The following ACBD5 variants were observed in gnomAD, a reference collection of about 807,000 sequenced individuals.
ACBD5 encodes the protein acyl-CoA-binding domain-containing protein 5.
ACBD5 carries 40 observed loss-of-function variants against 71.8 expected under a neutral mutation model. The ratio of observed to expected loss-of-function variants is 0.56; its 90% CI spans 0.43 to 0.72. The LOEUF (loss-of-function observed/expected upper bound fraction) is 0.72. Among genes scored for constraint, ACBD5 ranks in the 30% least tolerant of loss-of-function variants. The pLI, the probability that ACBD5 is intolerant of heterozygous loss-of-function variation, is 0.00. For synonymous variants in ACBD5, 229 were observed against 218.6 expected, an observed-to-expected ratio of 1.05 and a Z score of -0.42; for missense variants, 559 against 644.5, an observed-to-expected ratio of 0.87 and a Z score of 1.44.
intron 9 of ACBD5, among the ~76,000 whole-genome samples, chr10:27,210,061 C>T (rs913790637): frequency 5.3e-5 from 8 of 152,088 alleles, no homozygotes; most frequent in Non-Finnish European, 1.0e-4. Flanking sequence ...GTCAAGGTTC[C>T]CAAGCTATTT....
chr10:27,235,066 T>G (rs769450595), intron 3 of ACBD5, 26 bp downstream of exon 3: 1 of 1,609,586 alleles, frequency 6.2e-7, no homozygotes, highest in Non-Finnish European at 8.5e-7. Context: ...ATTTAAATTC[T>G]TGCATAGCTC....
chr10:27,228,085 T>C (rs2063318102), intron 4 of ACBD5, among the ~76,000 whole-genome samples: 1 of 152,012 alleles, frequency 6.6e-6, no homozygotes, highest in African/African-American at 2.4e-5. Context: ...CTCTTAGAAA[T>C]CCTGAAATAA....
chr10:27,200,569 C>T lies in ACBD5; in HGVS notation c.1566-3127G>A, dbSNP rs567144687. Among the ~76,000 whole-genome samples the T allele has an allele frequency of 4.6e-5, 7 of 151,794 alleles. No individual in the cohort carries two copies. The South Asian group carries it at 8.3e-4, about 18-fold the overall frequency. On this transcript the variant is annotated intron_variant, in intron 12 of 12. Coordinates refer to ENST00000396271, the MANE Select transcript of ACBD5 (RefSeq NM_145698.5). ...AAGCAATTCCCCTGCCTCAACCTCC[C>T]GAGTAGCTGGGATTACAGGTGCCTC...
chr10:27,234,632 A>G (rs2800392), intron 3 of ACBD5, among the ~76,000 whole-genome samples: 80,862 of 152,048 alleles, frequency 0.53, 23,969 homozygotes, highest in Non-Finnish European at 0.68. Context: ...GTAAAATTGT[A>G]CTAAGAGCAC....
chr10:27,230,883 C>T (rs555165734), intron 4 of ACBD5, among the ~76,000 whole-genome samples: 2 of 151,280 alleles, frequency 1.3e-5, no homozygotes, highest in East Asian at 1.9e-4. Context: ...GCCTTTGACA[C>T]ACTTAAAAGA....
chr10:27,239,669 A>G (rs1469903717), intron 2 of ACBD5, among the ~76,000 whole-genome samples: 2 of 152,230 alleles, frequency 1.3e-5, no homozygotes, highest in African/African-American at 4.8e-5. Flanking sequence ...CTTCATATCA[A>G]AAGTTTTCAA....
upstream of ACBD5, among the ~76,000 whole-genome samples, chr10:27,241,897 A>G (rs987347413): frequency 1.3e-5 from 2 of 151,894 alleles, no homozygotes; most frequent in African/African-American, 2.4e-5. Flanking sequence ...GGGACTGACT[A>G]GGTTGTGGGG....
In ACBD5 at chr10:27,205,191, G is replaced by T. The variant is rs980997489; in HGVS notation, c.1455+7C>A. On this transcript the variant is annotated splice_region_variant and intron_variant, in intron 11 of 12. Coordinates refer to ENST00000396271, the MANE Select transcript of ACBD5 (RefSeq NM_145698.5). ...CTGGCATTTAAATTTTTTAAAAAAT[G>T]TCTTACCTGTGAGGTGGGCTGAGGA... 34 of 1,610,646 alleles carry T rather than the reference G, an allele frequency of 2.1e-5. No individual in the cohort carries two copies. The highest frequency in any genetic ancestry group is 2.6e-5 in the Non-Finnish European group (31 of 1,177,850).
chr10:27,212,349 T>C (rs1384281932), intron 8 of ACBD5, among the ~76,000 whole-genome samples: 2 of 152,162 alleles, frequency 1.3e-5, no homozygotes, highest in African/African-American at 4.8e-5. Flanking sequence ...CCTTGAGCTT[T>C]AGTCCATCAA....
chr10:27,195,760 A>C lies in ACBD5; in HGVS notation c.*1670T>G, dbSNP rs1390999728. ...TATTTGAAAGAAAAAAATAAGGAAA[A>C]AGAGTTTGGGAAAAGTAAATTGTAT... On this transcript the variant is annotated 3_prime_UTR_variant, in exon 13 of 13. Transcript: ENST00000396271. The C allele has an allele frequency of 2.4e-6, 1 of 412,576 alleles. No individual in the cohort carries two copies. The highest frequency in any genetic ancestry group is 2.1e-5 in the African/African-American group (1 of 47,572). The allele number at this position is 412,576 out of a possible 1,614,324, so 25.6% of individuals were successfully genotyped here. A position where few individuals can be genotyped will look rare whatever the true frequency, so the allele number is the denominator to read the frequency against.
At chr10:27,226,634 T>A (rs1355401288) in intron 4 of ACBD5, among the ~76,000 whole-genome samples, 2 of 98,850 alleles carry the variant, frequency 2.0e-5, no homozygotes, top group Non-Finnish European at 4.2e-5. Flanking sequence ...TCGTAAACTT[T>A]CTTTTTTTTT....
intron 4 of ACBD5, among the ~76,000 whole-genome samples, chr10:27,229,073 C>T (rs2063519737): frequency 1.3e-5 from 2 of 150,260 alleles, no homozygotes; most frequent in South Asian, 4.2e-4. Flanking sequence ...CCGCCCGCCT[C>T]GGCTTCGGAA....
In ACBD5 at chr10:27,218,163, ACTT is replaced by A. The variant is rs747447592; in HGVS notation, c.643_645del (p.Lys215del). On this transcript the variant is annotated inframe_deletion, in exon 7 of 13. Coordinates refer to ENST00000396271, the MANE Select transcript of ACBD5 (RefSeq NM_145698.5). ...ACTTCCAAATTCTTATGGTCTGCTG[ACTT>A]CTTCATCATTTTCTTATCTTTTACG... The A allele has an allele frequency of 1.9e-5, 31 of 1,613,904 alleles. No individual in the cohort carries two copies. The highest frequency in any genetic ancestry group is 2.5e-5 in the Non-Finnish European group (29 of 1,179,858).
At position 27,196,845 on chromosome 10, in the gene ACBD5, T is replaced by C; in HGVS notation, c.*585A>G. 2 of 454,090 alleles carry C rather than the reference T, an allele frequency of 4.4e-6. No individual in the cohort carries two copies. Among genetic ancestry groups the C allele is most frequent in the South Asian group, 1.6e-5 (1 of 64,470 alleles). The allele number at this position is 454,090 out of a possible 1,614,324, so 28.1% of individuals were successfully genotyped here. A position where few individuals can be genotyped will look rare whatever the true frequency, so the allele number is the denominator to read the frequency against. On this transcript the variant is annotated 3_prime_UTR_variant, in exon 13 of 13. Transcript: ENST00000396271. ...GACTCCACTTTTTAATAATGATGCC[T>C]GAACACCAAACTCAAGAGTTGTGAA...
At position 27,210,725 on chromosome 10, in the gene ACBD5, A is replaced by G. The variant is rs552590015; in HGVS notation, c.1204+89T>C. On this transcript the variant is annotated intron_variant, in intron 9 of 12. Coordinates refer to ENST00000396271, the MANE Select transcript of ACBD5 (RefSeq NM_145698.5). ...GTGAGCCGAGATTGCACCACCGCACACCAGCCTGGGCGACAGAGCGCGAGA... is the reference window on the plus strand; with the variant it reads ...GTGAGCCGAGATTGCACCACCGCACGCCAGCCTGGGCGACAGAGCGCGAGA... The G allele has an allele frequency of 5.7e-6, 9 of 1,565,852 alleles. No individual in the cohort carries two copies. In the African/African-American group the frequency reaches 1.2e-4, roughly 21 times the overall value.
intron 8 of ACBD5, among the ~76,000 whole-genome samples, chr10:27,212,206 A>C (rs1226562585): frequency 6.6e-6 from 1 of 152,146 alleles, no homozygotes. Flanking sequence ...AAAATTAGCC[A>C]GTCAGGGCGG....
chr10:27,200,450 T>C (rs1588979403), intron 12 of ACBD5, among the ~76,000 whole-genome samples: 1 of 151,270 alleles, frequency 6.6e-6, no homozygotes, highest in Admixed American at 6.6e-5. Context: ...CTTTTTTCTC[T>C]CTTTTTTTTT....
downstream of ACBD5, among the ~76,000 whole-genome samples, chr10:27,194,272 A>C (rs924978314): frequency 2.3e-5 from 3 of 128,834 alleles, no homozygotes; most frequent in African/African-American, 8.2e-5. Flanking sequence ...AAAAAAAAAA[A>C]CCCTCTCATC....
At chr10:27,185,847 T>G (rs899825532) in intron 13 of ACBD5, among the ~76,000 whole-genome samples, 1 of 151,680 alleles carries the variant, frequency 6.6e-6, no homozygotes, top group Non-Finnish European at 1.5e-5. Flanking sequence ...CCCAGCACTT[T>G]GGAAGGCCAA....
Sources: allele counts gnomAD v4.1 joint callset (sites outside exome capture counted in the v4.1 genomes callset), GRCh38; gene constraint gnomAD v4.1.1; transcripts MANE v1.5; gene names NCBI Gene and HGNC (gene_info 2026-07-23, HGNC 2026-07-21).